SLC7A2: variants seen among roughly 807,000 people sequenced by gnomAD.
The protein encoded by SLC7A2 is solute carrier family 7 member 2.
Under a neutral mutation model 58.9 loss-of-function variants are expected in SLC7A2, and 48 were observed. The observed-to-expected ratio is 0.82, with a 90% confidence interval of 0.65 to 1.04. The LOEUF (loss-of-function observed/expected upper bound fraction) is 1.04, where lower values mean the gene tolerates loss of function less well. Among genes scored for constraint, SLC7A2 ranks in the 50% least tolerant of loss-of-function variants. The pLI, the probability that SLC7A2 is intolerant of heterozygous loss-of-function variation, is 0.00. For missense variants in SLC7A2, 1,029 were observed against 818.8 expected (o/e 1.26, Z -3.13); for synonymous variants, 363 against 314.5 (o/e 1.15, Z -1.63).
chr8:17,539,372 T>C (rs1801813223), intron 2 of SLC7A2, among the ~76,000 whole-genome samples: 1 of 152,192 alleles, frequency 6.6e-6, no homozygotes, highest in Admixed American at 6.5e-5. Flanking sequence ...ATCATTAGGC[T>C]CATGAAAATC....
At chr8:17,502,502 G>C (rs1263911041) in intron 2 of SLC7A2, among the ~76,000 whole-genome samples, 200 bp downstream of exon 2, 1 of 152,148 alleles carries the variant, frequency 6.6e-6, no homozygotes, top group Non-Finnish European at 1.5e-5. Context: ...ATCTTTACTG[G>C]ACTTCAATTC....
intron 2 of SLC7A2, among the ~76,000 whole-genome samples, chr8:17,521,333 C>T (rs1212134637): frequency 6.6e-6 from 1 of 152,264 alleles, no homozygotes; most frequent in Admixed American, 6.5e-5. Flanking sequence ...TATGTTGGTT[C>T]TTCGGAATTG....
chr8:17,514,646 T>TA (rs767725591), intron 2 of SLC7A2, among the ~76,000 whole-genome samples: 15 of 152,192 alleles, frequency 9.9e-5, no homozygotes, highest in Non-Finnish European at 1.3e-4. Flanking sequence ...CCTTGCTTCT[T>TA]AGATTCCACA....
chr8:17,526,659 A>C (rs1341528968), intron 2 of SLC7A2, among the ~76,000 whole-genome samples: 1 of 152,156 alleles, frequency 6.6e-6, no homozygotes, highest in Non-Finnish European at 1.5e-5. Context: ...TTATTTTCAA[A>C]CTGGAAGCCA....
rs149759598 is a variant in SLC7A2 at position 17,557,782 on chromosome 8, C to T, written c.1196-513C>T. Reference sequence around the variant, plus strand: ...GGTGGAGATTGCAGTAAGCCGAGATCGCACCACTGCACTCCACCCTGGGTG... The same window carrying T: ...GGTGGAGATTGCAGTAAGCCGAGATTGCACCACTGCACTCCACCCTGGGTG... On this transcript the variant is annotated intron_variant, in intron 8 of 12. Transcript: ENST00000494857. 5.1e-3 allele frequency among the ~76,000 whole-genome samples: 782 copies of T among 152,132 alleles called. 11 individuals are homozygous for T. Among genetic ancestry groups the T allele is most frequent in the African/African-American group, 0.018 (755 of 41,500 alleles).
At chr8:17,528,422 T>C (rs1030024151) in intron 2 of SLC7A2, among the ~76,000 whole-genome samples, 14 of 152,146 alleles carry the variant, frequency 9.2e-5, no homozygotes, top group African/African-American at 3.4e-4. Context: ...TCTCACTCTG[T>C]TGCCCAGGCC....
At chr8:17,555,806 T>G (rs533922549) in intron 8 of SLC7A2, among the ~76,000 whole-genome samples, 1 of 152,292 alleles carries the variant, frequency 6.6e-6, no homozygotes, top group African/African-American at 2.4e-5. Flanking sequence ...GCCAGATCCT[T>G]ATCTCATGCA....
intron 3 of SLC7A2, 70 bp downstream of exon 3, chr8:17,543,785 G>A (rs1802031820): frequency 7.1e-7 from 1 of 1,415,582 alleles, no homozygotes; most frequent in Non-Finnish European, 9.5e-7. Context: ...CAGCCCTTAG[G>A]TTCAGTTGTA....
In SLC7A2 at chr8:17,555,056, C is replaced by T. The variant is rs777754869; in HGVS notation, c.1195+357C>T. The T allele has an allele frequency of 5.6e-6, 9 of 1,613,766 alleles. No individual in the cohort carries two copies. The Admixed American group carries it at 1.2e-4, about 21-fold the overall frequency. On this transcript the variant is annotated intron_variant, in intron 8 of 12. Transcript: ENST00000494857. ...AGTAAGAGGCAGTCACCAGTTGCTGCCACGTTGACTGCAGGGGTCATTTCT... is the reference window on the plus strand; with the variant it reads ...AGTAAGAGGCAGTCACCAGTTGCTGTCACGTTGACTGCAGGGGTCATTTCT...
chr8:17,509,070 A>G (rs1800489861), intron 2 of SLC7A2, among the ~76,000 whole-genome samples: 1 of 152,154 alleles, frequency 6.6e-6, no homozygotes, highest in African/African-American at 2.4e-5. Context: ...TGGGGACTGT[A>G]GACATCAGCT....
intron 1 of SLC7A2, among the ~76,000 whole-genome samples, chr8:17,501,032 G>A (rs553580284): frequency 1.5e-3 from 222 of 145,038 alleles, no homozygotes; most frequent in Admixed American, 2.2e-3. Context: ...TTTCTGTTTT[G>A]AGACAGAGTC....
At chr8:17,513,287 T>G (rs1800677556) in intron 2 of SLC7A2, among the ~76,000 whole-genome samples, 1 of 152,204 alleles carries the variant, frequency 6.6e-6, no homozygotes, top group Non-Finnish European at 1.5e-5. Flanking sequence ...AGGATCCCAA[T>G]TTCTGCATAT....
chr8:17,560,804 G>A (rs1471943375), intron 10 of SLC7A2, among the ~76,000 whole-genome samples: 1 of 152,158 alleles, frequency 6.6e-6, no homozygotes, highest in African/African-American at 2.4e-5. Context: ...TTAGAGGTTA[G>A]GATGCCCTCT....
At chr8:17,555,991 G>GA (rs1802684216) in intron 8 of SLC7A2, among the ~76,000 whole-genome samples, 1 of 152,162 alleles carries the variant, frequency 6.6e-6, no homozygotes, top group Admixed American at 6.5e-5. Flanking sequence ...AATTAGCTTA[G>GA]AAAAAGCTAG....
chr8:17,524,453 C>G (rs535595968), intron 2 of SLC7A2, among the ~76,000 whole-genome samples: 4 of 150,398 alleles, frequency 2.7e-5, no homozygotes, highest in Admixed American at 6.7e-5. Context: ...CACACACACA[C>G]ACACCATGGA....
rs78648581 is a variant in SLC7A2, at chr8:17,564,803, G to T, written c.1781-147G>T. The stretch of plus-strand genomic sequence containing the variant: ...TGGTTCCTAACAATAGTGGTCTGTG[G>T]CCCAGGGGTTGGTGACCCCCGTTCT... On this transcript the variant is annotated intron_variant, in intron 12 of 12. Transcript: ENST00000494857. 7.8e-3 allele frequency: 4,893 copies of T among 627,400 alleles called. 198 individuals are homozygous for T. The African/African-American group carries it at 0.081, about 10-fold the overall frequency. The allele number at this position is 627,400 out of a possible 1,614,324, so 38.9% of individuals were successfully genotyped here. A position where few individuals can be genotyped will look rare whatever the true frequency, so the allele number is the denominator to read the frequency against.
intron 10 of SLC7A2, 78 bp from the exon 11 acceptor site, chr8:17,561,866 C>A: frequency 7.4e-7 from 1 of 1,357,656 alleles, no homozygotes; most frequent in South Asian, 1.3e-5. Flanking sequence ...AGTGTTTTAT[C>A]AGAATATGCT....
At chr8:17,506,538 C>T (rs773566696) in intron 2 of SLC7A2, among the ~76,000 whole-genome samples, 14 of 152,234 alleles carry the variant, frequency 9.2e-5, no homozygotes, top group South Asian at 4.1e-4. Context: ...GTTTCTGGCA[C>T]GGTGCTAGAC....
rs1477650325 is a variant in SLC7A2 at position 17,570,148 on chromosome 8, C to T, written c.*5002C>T. On this transcript the variant is annotated 3_prime_UTR_variant, in exon 13 of 13. Coordinates refer to ENST00000494857, the MANE Select transcript of SLC7A2 (RefSeq NM_001370338.1). ...ACATGCACTGACAGCCTTGCTGTGCCACGTGTCTCACCAAGACCCAGTTGG... is the reference window on the plus strand; with the variant it reads ...ACATGCACTGACAGCCTTGCTGTGCTACGTGTCTCACCAAGACCCAGTTGG... The T allele has an allele frequency of 6.6e-6, 1 of 152,166 alleles. No homozygotes were observed. Among genetic ancestry groups the T allele is most frequent in the Non-Finnish European group, 1.5e-5 (1 of 68,038 alleles). 9.4% of individuals were successfully genotyped at this position (152,166 alleles called of 1,614,324 possible). A position where few individuals can be genotyped will look rare whatever the true frequency, so the allele number is the denominator to read the frequency against.
Sources: allele counts gnomAD v4.1 joint callset (sites outside exome capture counted in the v4.1 genomes callset), GRCh38; gene constraint gnomAD v4.1.1; transcripts MANE v1.5; gene names NCBI Gene and HGNC (gene_info 2026-07-23, HGNC 2026-07-21).